The following COMMD8 variants were observed in gnomAD, a reference collection of about 807,000 sequenced individuals.
COMMD8 encodes COMM domain-containing protein 8.
COMMD8 carries 28 observed loss-of-function variants against 27.2 expected under a neutral mutation model. That is an observed-to-expected ratio of 1.03 (90% CI 0.76 to 1.41). The LOEUF (loss-of-function observed/expected upper bound fraction) is 1.41, where lower values mean the gene tolerates loss of function less well. Ranked by LOEUF, COMMD8 falls within the 40% of genes most tolerant of loss-of-function variation. The probability of loss-of-function intolerance (pLI) is 0.00; values close to 1 mark genes in which losing one functional copy is unlikely to be tolerated. For synonymous variants in COMMD8, 79 were observed against 75.5 expected (o/e 1.05, Z -0.24); for missense variants, 217 against 211.2 (o/e 1.03, Z -0.17).
intron 1 of COMMD8, 71 bp from the exon 2 acceptor site, chr4:47,460,370 A>C: frequency 1.5e-6 from 2 of 1,314,746 alleles, no homozygotes; most frequent in Non-Finnish European, 2.1e-6. Flanking sequence ...CCTCTTAACA[A>C]ACAAATGTTG....
At position 47,453,160 on chromosome 4, in the gene COMMD8, G is replaced by A; in HGVS notation, c.430C>T (p.His144Tyr). The change falls in exon 4 of 5, where the codon CAT becomes TAT. Residue 144 changes from histidine (H) to tyrosine (Y), a missense_variant. By Grantham distance (83) the His-to-Tyr change is moderately conservative (BLOSUM62 2). Transcript: ENST00000381571. ...AALRMPLLSLHLDVKENGEVK... is the reference protein window; with the variant it reads ...AALRMPLLSLYLDVKENGEVK... Reference sequence around the variant, plus strand: ...TCACCATTTTCTTTTACATCTAGATGCAGGCTTAAAAGTGGCATTCGTAAT... The same window carrying A: ...TCACCATTTTCTTTTACATCTAGATACAGGCTTAAAAGTGGCATTCGTAAT... 1 of 1,613,888 alleles carries A rather than the reference G, an allele frequency of 6.2e-7. No individual in the cohort carries two copies.
chr4:47,459,113 T>C (rs936303650), intron 2 of COMMD8, among the ~76,000 whole-genome samples: 2 of 152,084 alleles, frequency 1.3e-5, no homozygotes, highest in Non-Finnish European at 2.9e-5. Flanking sequence ...AAACAAAACA[T>C]TAATAGTATT....
intron 2 of COMMD8, 127 bp downstream of exon 2, chr4:47,460,017 C>A: frequency 1.5e-6 from 1 of 686,242 alleles, no homozygotes; most frequent in Non-Finnish European, 2.2e-6. Flanking sequence ...ACAGATTTTT[C>A]CATTCACAAT....
At chr4:47,456,296 A>ATATATG (rs1328331856) in intron 3 of COMMD8, among the ~76,000 whole-genome samples, 3 of 127,988 alleles carry the variant, frequency 2.3e-5, no homozygotes, top group South Asian at 2.4e-4. Flanking sequence ...ATATATATAT[A>ATATATG]TATATGTATA....
chr4:47,454,876 A>AC (rs1729846879), intron 3 of COMMD8, among the ~76,000 whole-genome samples: 1 of 151,612 alleles, frequency 6.6e-6, no homozygotes, highest in South Asian at 2.1e-4. Flanking sequence ...AAAAAAAAAA[A>AC]AAAAAAAAAA....
chr4:47,452,997 A>C lies in COMMD8; in HGVS notation c.531+62T>G. On this transcript the variant is annotated intron_variant, in intron 4 of 4. Coordinates refer to ENST00000381571, the MANE Select transcript of COMMD8 (RefSeq NM_017845.5). ...GGGTGACAGAGTGAGACTCCAACGC[A>C]AACAAAAAAAAACCCCAAAACCTTA... 4 of 1,469,352 alleles carry C rather than the reference A, an allele frequency of 2.7e-6. No homozygotes were observed. The South Asian group carries it at 5.5e-5, about 20-fold the overall frequency. 91.0% of individuals were successfully genotyped at this position (1,469,352 alleles called of 1,614,324 possible). A position where few individuals can be genotyped will look rare whatever the true frequency, so the allele number is the denominator to read the frequency against.
rs780602871 is a variant in COMMD8 at position 47,456,665 on chromosome 4, C to T, written c.287G>A (p.Ser96Asn). 6.2e-7 allele frequency: 1 copy of T among 1,609,560 alleles called. No homozygotes were observed. ...HQETIMKCVK[S>N]RKDEIKQALS... ...AGCCTGTTTGATTTCATCTTTCCTA[C>T]TTTTCACGCATTTCATGATAGTTTC... The change falls in exon 3 of 5, where the codon AGT becomes AAT. Residue 96 changes from serine (S) to asparagine (N), a missense_variant. Coordinates refer to ENST00000381571, the MANE Select transcript of COMMD8 (RefSeq NM_017845.5).
chr4:47,460,092 A>G, intron 2 of COMMD8, 52 bp downstream of exon 2: 1 of 1,501,256 alleles, frequency 6.7e-7, no homozygotes, highest in Non-Finnish European at 9.2e-7. Context: ...AAACTCAGAG[A>G]GAAACCTGAG....
Position 47,463,664 on chromosome 4 carries a change from C to A in COMMD8, c.-13G>T, listed in dbSNP as rs1390893403. 1 of 1,547,130 alleles carries A rather than the reference C, an allele frequency of 6.5e-7. No homozygotes were observed. The highest frequency in any genetic ancestry group is 2.5e-5 in the East Asian group (1 of 40,594). On this transcript the variant is annotated 5_prime_UTR_variant, in exon 1 of 5. Coordinates refer to ENST00000381571, the MANE Select transcript of COMMD8 (RefSeq NM_017845.5). ...CTTCCGGCTCCATCCCTGCGCGAAG[C>A]TGGGGCTTGGGTCACGTGTCAAGGC...
Position 47,463,612 on chromosome 4 carries a change from T to G in COMMD8, c.40A>C (p.Lys14Gln), listed in dbSNP as rs1033629464. The G allele has an allele frequency of 5.2e-5, 81 of 1,547,608 alleles. No homozygotes were observed. Among genetic ancestry groups the G allele is most frequent in the Non-Finnish European group, 7.0e-5 (80 of 1,146,238 alleles). ...EEGTPLWRLQ[K>Q]LPAELGPQLL... is the part of the protein sequence containing the mutation. Reference sequence around the variant, plus strand: ...TGCGGGCCCAGCTCGGCCGGCAGCTTCTGCAGCCGCCACAAGGGCGTCCCC... The same window carrying G: ...TGCGGGCCCAGCTCGGCCGGCAGCTGCTGCAGCCGCCACAAGGGCGTCCCC... Residue 14 changes from lysine to glutamine, a missense_variant, in exon 1 of 5, where the codon AAG becomes CAG. Physicochemically the swap from Lys to Gln is moderately conservative, Grantham distance 53 (BLOSUM62 1). Transcript: ENST00000381571.
intron 2 of COMMD8, among the ~76,000 whole-genome samples, chr4:47,456,997 G>A (rs182384735): frequency 3.3e-5 from 5 of 152,306 alleles, no homozygotes; most frequent in African/African-American, 1.2e-4. Flanking sequence ...CCACCACGCA[G>A]GGTGAGTATC....
intron 2 of COMMD8, among the ~76,000 whole-genome samples, chr4:47,458,121 T>C (rs1729938042): frequency 6.6e-6 from 1 of 152,064 alleles, no homozygotes; most frequent in African/African-American, 2.4e-5. Flanking sequence ...AGGATGCTTC[T>C]TTAGTCTGAT....
At chr4:47,461,082 A>C (rs1730013224) in intron 1 of COMMD8, among the ~76,000 whole-genome samples, 1 of 152,190 alleles carries the variant, frequency 6.6e-6, no homozygotes, top group Admixed American at 6.5e-5. Context: ...TAAGGATGGA[A>C]TAAGAATACG....
intron 1 of COMMD8, among the ~76,000 whole-genome samples, chr4:47,462,229 A>G (rs4356893): frequency 0.99 from 151,498 of 152,326 alleles, 75,340 homozygotes; most frequent in East Asian, 1. Context: ...GTGAGCCCAG[A>G]TGCCTCAATT....
Position 47,460,247 on chromosome 4 carries a change from T to C in COMMD8, c.119A>G (p.Gln40Arg). ...GICGRAYPVY[Q>R]DYHTVWESEE... ...TGATTCCCAAACAGTGTGATAATCT[T>C]GGTACACAGGATAAGCTCGACCACA... The change falls in exon 2 of 5, where the codon CAA (glutamine) becomes CGA (arginine). Residue 40 changes from glutamine (Q) to arginine (R), a missense_variant. Transcript: ENST00000381571. 6.2e-7 allele frequency: 1 copy of C among 1,613,494 alleles called. No individual in the cohort carries two copies.
Position 47,463,673 on chromosome 4 carries a change from G to A in COMMD8, c.-22C>T. ...CCATCCCTGCGCGAAGCTGGGGCTT[G>A]GGTCACGTGTCAAGGCTGGCCGCTT... On this transcript the variant is annotated 5_prime_UTR_variant, in exon 1 of 5. Transcript: ENST00000381571. 1.3e-6 allele frequency: 2 copies of A among 1,543,976 alleles called. No homozygotes were observed. Among genetic ancestry groups the A allele is most frequent in the East Asian group, 2.5e-5 (1 of 40,352 alleles).
chr4:47,451,871 C>G (rs966843535), intron 4 of COMMD8, among the ~76,000 whole-genome samples: 3 of 152,206 alleles, frequency 2.0e-5, no homozygotes, highest in Admixed American at 6.5e-5. Flanking sequence ...CACATGCACC[C>G]TTCACACATG....
intron 2 of COMMD8, 148 bp from the exon 3 acceptor site, chr4:47,456,877 A>C (rs1434368954): frequency 6.7e-6 from 4 of 598,768 alleles, no homozygotes; most frequent in Non-Finnish European, 1.1e-5. Context: ...GAGAATGAAT[A>C]ACCAGAAAAT....
Position 47,451,451 on chromosome 4 carries a change from T to C in COMMD8, c.*194A>G, listed in dbSNP as rs574852105. On this transcript the variant is annotated 3_prime_UTR_variant, in exon 5 of 5. Transcript: ENST00000381571. Reference sequence around the variant, plus strand: ...TATAGATTTTTCATCTTTCATTTTATGCATTTCCTCTCAACCATGTAATTT... The same window carrying C: ...TATAGATTTTTCATCTTTCATTTTACGCATTTCCTCTCAACCATGTAATTT... 3.0e-4 allele frequency: 149 copies of C among 499,272 alleles called. 1 individual carries two copies. Among genetic ancestry groups the C allele is most frequent in the Non-Finnish European group, 4.0e-4 (114 of 285,184 alleles). 30.9% of individuals were successfully genotyped at this position (499,272 alleles called of 1,614,324 possible). A position where few individuals can be genotyped will look rare whatever the true frequency, so the allele number is the denominator to read the frequency against.
Sources: gnomAD v4.1 joint callset for allele counts (sites outside exome capture counted in the v4.1 genomes callset) on GRCh38, gnomAD v4.1.1 for gene constraint, MANE v1.5 for transcripts, NCBI Gene and HGNC (gene_info 2026-07-23, HGNC 2026-07-21) for gene names.